Variants in MN1 observed in about 807,000 individuals in gnomAD.
The protein encoded by MN1 is MN1 proto-oncogene, transcriptional regulator.
In MN1, 19 loss-of-function variants were observed where a neutral mutation model predicts 86.9. The ratio of observed to expected loss-of-function variants is 0.22; its 90% CI spans 0.15 to 0.32. The LOEUF (loss-of-function observed/expected upper bound fraction) is 0.32, where lower values mean the gene tolerates loss of function less well. Ranked by LOEUF, MN1 falls within the 10% of genes least tolerant of loss-of-function variation. The pLI, the probability that MN1 is intolerant of heterozygous loss-of-function variation, is 1.00. For missense variants in MN1, 1,841 were observed against 1,862.0 expected (o/e 0.99, Z 0.21); for synonymous variants, 928 against 849.6 (o/e 1.09, Z -1.60).
At position 27,797,329 on chromosome 22, in the gene MN1, G is replaced by A. The variant is rs1159987506; in HGVS notation, c.3215C>T (p.Ala1072Val). 6.2e-7 allele frequency: 1 copy of A among 1,604,802 alleles called. No homozygotes were observed. Among genetic ancestry groups the A allele is most frequent in the Non-Finnish European group, 8.5e-7 (1 of 1,179,856 alleles). Reference sequence around the variant, plus strand: ...GCCGGTCACCAGGGGACTCCTGCTCGCTTTAACTAGTGCCTGGGGGTTGTC... The same window carrying A: ...GCCGGTCACCAGGGGACTCCTGCTCACTTTAACTAGTGCCTGGGGGTTGTC... ...SSDNPQALVK[A>V]SRSPLVTGSP... The change falls in exon 1 of 2, where the codon GCG becomes GTG. Residue 1072 changes from alanine to valine, a missense_variant. Physicochemically the swap from Ala to Val is moderately conservative, Grantham distance 64. Transcript: ENST00000302326.
In MN1 at chr22:27,798,856, G is replaced by A. The variant is rs763921294; in HGVS notation, c.1688C>T (p.Ser563Leu). 2 of 1,543,572 alleles carry A rather than the reference G, an allele frequency of 1.3e-6. No homozygotes were observed. Among genetic ancestry groups the A allele is most frequent in the Non-Finnish European group, 1.7e-6 (2 of 1,147,010 alleles). The change falls in exon 1 of 2, where the codon TCG (serine) becomes TTG (leucine). Residue 563 changes from serine (S) to leucine (L), a missense_variant. Physicochemically the swap from Ser to Leu is moderately radical, Grantham distance 145. Coordinates refer to ENST00000302326, the MANE Select transcript of MN1 (RefSeq NM_002430.3). ...GCGCAGCCGCTGCTGCTGATTCCGCGACGCCATCTGCTTAATCATGAGGGC... is the reference window on the plus strand; with the variant it reads ...GCGCAGCCGCTGCTGCTGATTCCGCAACGCCATCTGCTTAATCATGAGGGC... The part of the protein sequence containing the change: ...NAALMIKQMA[S>L]RNQQQRLRQP...
chr22:27,787,980 C>T (rs1313928958), intron 1 of MN1, among the ~76,000 whole-genome samples: 3 of 152,202 alleles, frequency 2.0e-5, no homozygotes, highest in Non-Finnish European at 4.4e-5. Flanking sequence ...GTGGGAGCCC[C>T]GAGCCCCACA....
At chr22:27,785,587 C>T (rs1471284360) in intron 1 of MN1, among the ~76,000 whole-genome samples, 1 of 152,182 alleles carries the variant, frequency 6.6e-6, no homozygotes. Flanking sequence ...AATGCAGGGG[C>T]CGTGATGGGC....
intron 1 of MN1, among the ~76,000 whole-genome samples, chr22:27,781,499 A>G (rs566645449): frequency 6.6e-6 from 1 of 151,924 alleles, no homozygotes; most frequent in East Asian, 1.9e-4. Flanking sequence ...CATTCCCACT[A>G]CCCTGTGGGA....
In MN1 at chr22:27,798,924, T is replaced by TTGC. The variant is rs750337114; in HGVS notation, c.1617_1619dup (p.Gln550dup). On this transcript the variant is annotated inframe_insertion, in exon 1 of 2. Coordinates refer to ENST00000302326, the MANE Select transcript of MN1 (RefSeq NM_002430.3). ...GCTGCTGCTGCTGTTGCTGTTGCTG[T>TTGC]TGCTGCTGCTGCTGCTGCTGTTGCT... 10,926 of 1,518,944 alleles carry TTGC rather than the reference T, an allele frequency of 7.2e-3. 267 individuals carry two copies. The African/African-American group carries it at 0.11, about 15-fold the overall frequency. The allele number at this position is 1,518,944 out of a possible 1,614,324, so 94.1% of individuals were successfully genotyped here. A position where few individuals can be genotyped will look rare whatever the true frequency, so the allele number is the denominator to read the frequency against.
intron 1 of MN1, among the ~76,000 whole-genome samples, chr22:27,794,517 C>A (rs887098349): frequency 1.6e-4 from 24 of 152,198 alleles, no homozygotes; most frequent in African/African-American, 5.8e-4. Flanking sequence ...GGAGGGCTTC[C>A]TTTAGCTTAC....
chr22:27,792,418 C>T (rs1337801105), intron 1 of MN1, among the ~76,000 whole-genome samples: 4 of 145,846 alleles, frequency 2.7e-5, no homozygotes, highest in Non-Finnish European at 4.5e-5. Context: ...GCCAGAAAAC[C>T]CAGTGGTAGA....
At chr22:27,793,882 C>T (rs1029457159) in intron 1 of MN1, among the ~76,000 whole-genome samples, 4 of 152,028 alleles carry the variant, frequency 2.6e-5, no homozygotes, top group Admixed American at 6.6e-5. Context: ...GTCATTGGAG[C>T]GAAGAATTTC....
chr22:27,753,513 G>A (rs553948594), intron 1 of MN1, among the ~76,000 whole-genome samples: 2 of 152,204 alleles, frequency 1.3e-5, no homozygotes, highest in African/African-American at 4.8e-5. Flanking sequence ...GGGGTGAGGG[G>A]GGCTTTGCAG....
intron 1 of MN1, among the ~76,000 whole-genome samples, chr22:27,772,273 A>G (rs1326331508): frequency 6.6e-6 from 1 of 152,172 alleles, no homozygotes; most frequent in Non-Finnish European, 1.5e-5. Flanking sequence ...GCTGTGTCTC[A>G]GCAGAGAAAT....
Position 27,799,712 on chromosome 22 carries a change from T to G in MN1, c.832A>C (p.Arg278=), listed in dbSNP as rs891410150. The change falls in exon 1 of 2, where the codon AGA becomes CGA. Residue 278 remains arginine, a synonymous_variant. Coordinates refer to ENST00000302326, the MANE Select transcript of MN1 (RefSeq NM_002430.3). Reference sequence around the variant, plus strand: ...GACAAGCCCACCATGCCCGCAGCTCTGGGCATGGCCGAGGCGCCCGGGAAA... The same window carrying G: ...GACAAGCCCACCATGCCCGCAGCTCGGGGCATGGCCGAGGCGCCCGGGAAA... ...GAFPGASAMP[R]AAGMVGLSKM... 5 of 1,567,878 alleles carry G rather than the reference T, an allele frequency of 3.2e-6. No individual in the cohort carries two copies. The African/African-American group carries it at 5.4e-5, about 17-fold the overall frequency.
In MN1 at chr22:27,786,229, G is replaced by A. The variant is rs755214313; in HGVS notation, c.3781+10534C>T. Among the ~76,000 whole-genome samples the A allele has an allele frequency of 8.5e-5, 13 of 152,316 alleles. No homozygotes were observed. The South Asian group carries it at 1.0e-3, about 12-fold the overall frequency. On this transcript the variant is annotated intron_variant, in intron 1 of 1. Coordinates refer to ENST00000302326, the MANE Select transcript of MN1 (RefSeq NM_002430.3). ...GGAAGGCTGTGGGGAGCCCAGAGAG[G>A]AAGAGGGGGGCCCCCCAAAGAAGCC... is the stretch of plus-strand genomic sequence containing the variant.
chr22:27,754,685 C>T (rs1219142051), intron 1 of MN1, among the ~76,000 whole-genome samples: 1 of 152,204 alleles, frequency 6.6e-6, no homozygotes, highest in African/African-American at 2.4e-5. Context: ...ATAAATCAGT[C>T]CCACGGAAGC....
rs200239973 is a variant in MN1 at position 27,799,043 on chromosome 22, G to A, written c.1501C>T (p.Pro501Ser). The change falls in exon 1 of 2, where the codon CCT becomes TCT. Residue 501 changes from proline to serine, a missense_variant. Coordinates refer to ENST00000302326, the MANE Select transcript of MN1 (RefSeq NM_002430.3). The stretch of plus-strand genomic sequence containing the variant: ...CCCGAAGGGAAGCTGTCGGGCACAG[G>A]CGGTGTGAACTCGCCGGGTAGGCCT... ...YPGLPGEFTP[P>S]VPDSFPSGPP... 4.3e-4 allele frequency: 689 copies of A among 1,611,914 alleles called. 1 individual carries two copies. In the African/African-American group the frequency reaches 7.9e-3, roughly 18 times the overall value.
In MN1 at chr22:27,797,586, G is replaced by A. The variant is rs1321900688; in HGVS notation, c.2958C>T (p.Val986=). The stretch of plus-strand genomic sequence containing the variant: ...GCGTCTCGCCTGCGGAGCTTCCCCC[G>A]ACGGCTGCGCCTGACGCTTGCTGCT... ...PGQQQASGAA[V]GGSSAGETRG... The change falls in exon 1 of 2, where the codon GTC becomes GTT. Residue 986 remains valine, a synonymous_variant. Transcript: ENST00000302326. 2 of 1,599,764 alleles carry A rather than the reference G, an allele frequency of 1.3e-6. No individual in the cohort carries two copies. Among genetic ancestry groups the A allele is most frequent in the Non-Finnish European group, 1.7e-6 (2 of 1,172,928 alleles).
At chr22:27,790,769 C>T in intron 1 of MN1, among the ~76,000 whole-genome samples, 1 of 152,064 alleles carries the variant, frequency 6.6e-6, no homozygotes, top group Non-Finnish European at 1.5e-5. Flanking sequence ...TGAACTCAGC[C>T]AGAGAGACAC....
At chr22:27,771,310 C>G (rs777107650) in intron 1 of MN1, among the ~76,000 whole-genome samples, 1 of 144,218 alleles carries the variant, frequency 6.9e-6, no homozygotes. Context: ...CTCATGCAAC[C>G]TCTGTCTCCT....
chr22:27,780,270 G>A (rs762128209), intron 1 of MN1, among the ~76,000 whole-genome samples: 3 of 151,958 alleles, frequency 2.0e-5, no homozygotes, highest in Non-Finnish European at 4.4e-5. Flanking sequence ...TACAAGCCCC[G>A]AGCAGTCGGG....
Position 27,799,941 on chromosome 22 carries a change from G to A in MN1, c.603C>T (p.Ala201=). The change falls in exon 1 of 2, where the codon GCC becomes GCT. Residue 201 remains alanine, a synonymous_variant. Transcript: ENST00000302326. ...LPLDQSPNRA[A]SFHGLPSSSG... is the part of the protein sequence containing the mutation. ...TGGAGGACGGCAGGCCGTGGAAGGA[G>A]GCGGCTCGGTTAGGGCTCTGGTCCA... 6.2e-7 allele frequency: 1 copy of A among 1,603,270 alleles called. No individual in the cohort carries two copies. The highest frequency in any genetic ancestry group is 8.5e-7 in the Non-Finnish European group (1 of 1,175,566).
Sources: allele counts gnomAD v4.1 joint callset (sites outside exome capture counted in the v4.1 genomes callset), GRCh38; gene constraint gnomAD v4.1.1; transcripts MANE v1.5; gene names NCBI Gene and HGNC (gene_info 2026-07-23, HGNC 2026-07-21).